Variants in TPH2 observed in about 807,000 individuals in gnomAD.
TPH2 encodes tryptophan 5-hydroxylase 2.
TPH2 carries 27 observed loss-of-function variants against 59.1 expected under a neutral mutation model. The observed-to-expected ratio is 0.46, with a 90% CI of 0.34 to 0.63. The LOEUF (loss-of-function observed/expected upper bound fraction) is 0.63. Among genes scored for constraint, TPH2 ranks in the 30% least tolerant of loss-of-function variants. The pLI is 0.01. For synonymous variants in TPH2, 220 were observed against 210.5 expected (o/e 1.05, Z -0.39); for missense variants, 523 against 588.3 (o/e 0.89, Z 1.15).
At position 71,939,029 on chromosome 12, in the gene TPH2, C is replaced by A. The variant is rs748532011; in HGVS notation, c.43C>A (p.Arg15=). ...GATGTTTTCCAGTAAATACTGGGCA[C>A]GGAGAGGGTTTTCCCTGGATTCAGC... ...MMMFSSKYWA[R]RGFSLDSAVP... is the part of the protein sequence containing the mutation. The change falls in exon 1 of 11, where the codon CGG becomes AGG. Residue 15 remains arginine, a synonymous_variant. Coordinates refer to ENST00000333850, the MANE Select transcript of TPH2 (RefSeq NM_173353.4). The A allele has an allele frequency of 6.2e-7, 1 of 1,614,000 alleles. No individual in the cohort carries two copies. Among genetic ancestry groups the A allele is most frequent in the Non-Finnish European group, 8.5e-7 (1 of 1,180,034 alleles).
chr12:72,005,192 AG>A (rs1388886131), intron 8 of TPH2, among the ~76,000 whole-genome samples: 5 of 152,080 alleles, frequency 3.3e-5, no homozygotes, highest in Non-Finnish European at 7.4e-5. Context: ...TAGGTTTGGG[AG>A]GAGTAAATCA....
chr12:71,982,316 T>A (rs1213092043), intron 7 of TPH2, among the ~76,000 whole-genome samples: 1 of 152,092 alleles, frequency 6.6e-6, no homozygotes, highest in Non-Finnish European at 1.5e-5. Flanking sequence ...TATTACTTTA[T>A]GAATAGGTAA....
intron 3 of TPH2, 24 bp downstream of exon 3, chr12:71,944,501 G>A: frequency 6.2e-7 from 1 of 1,613,836 alleles, no homozygotes. Flanking sequence ...TAGCTTGTCG[G>A]GTAACTTTGC....
At chr12:71,990,421 G>A (rs1481761912) in intron 7 of TPH2, among the ~76,000 whole-genome samples, 1 of 152,180 alleles carries the variant, frequency 6.6e-6, no homozygotes, top group African/African-American at 2.4e-5. Flanking sequence ...TTTGCAGTTT[G>A]CATTCTCCCT....
intron 8 of TPH2, among the ~76,000 whole-genome samples, chr12:71,996,125 T>G (rs1050527590): frequency 6.6e-6 from 1 of 152,234 alleles, no homozygotes; most frequent in Non-Finnish European, 1.5e-5. Flanking sequence ...GGCCTGTAAT[T>G]GTCTGAAGGT....
chr12:71,979,209 C>T, intron 7 of TPH2, 122 bp downstream of exon 7: 1 of 1,382,100 alleles, frequency 7.2e-7, no homozygotes, highest in Non-Finnish European at 1.0e-6. Context: ...GTGAGAGTCA[C>T]ATCACTCACC....
At chr12:72,020,009 A>C (rs955392032) in intron 8 of TPH2, among the ~76,000 whole-genome samples, 3 of 152,146 alleles carry the variant, frequency 2.0e-5, no homozygotes, top group Non-Finnish European at 4.4e-5. Flanking sequence ...TCATTAATTC[A>C]TTTACCGTTT....
intron 5 of TPH2, among the ~76,000 whole-genome samples, chr12:71,971,397 T>TGA (rs1871970254): frequency 6.6e-6 from 1 of 152,218 alleles, no homozygotes; most frequent in African/African-American, 2.4e-5. Flanking sequence ...GAGTATGTCA[T>TGA]GAGAGGTTTT....
chr12:71,960,814 T>G (rs1871659035), intron 5 of TPH2, among the ~76,000 whole-genome samples: 1 of 152,194 alleles, frequency 6.6e-6, no homozygotes, highest in Non-Finnish European at 1.5e-5. Flanking sequence ...ACATGAAGGA[T>G]TCGAATTACT....
chr12:71,995,672 G>A (rs1872676783), intron 8 of TPH2, among the ~76,000 whole-genome samples: 2 of 152,280 alleles, frequency 1.3e-5, no homozygotes, highest in East Asian at 1.9e-4. Context: ...TCTGGTGGGG[G>A]CTGTGGTGGA....
At chr12:71,988,521 C>T (rs1293745058) in intron 7 of TPH2, among the ~76,000 whole-genome samples, 1 of 152,094 alleles carries the variant, frequency 6.6e-6, no homozygotes, top group Non-Finnish European at 1.5e-5. Context: ...AGGGTGTGGG[C>T]CACACACTTT....
chr12:71,995,844 A>G (rs1872680367), intron 8 of TPH2, among the ~76,000 whole-genome samples: 2 of 152,210 alleles, frequency 1.3e-5, no homozygotes, highest in Admixed American at 6.5e-5. Flanking sequence ...ATGTTGGCTT[A>G]TTAAAAAAAG....
chr12:71,951,635 A>G (rs541803023), intron 5 of TPH2, among the ~76,000 whole-genome samples: 1 of 152,094 alleles, frequency 6.6e-6, no homozygotes, highest in Admixed American at 6.5e-5. Context: ...GGTGTTTGCC[A>G]TTGTGCTTGG....
intron 6 of TPH2, among the ~76,000 whole-genome samples, chr12:71,977,448 T>TACAC (rs57986383): frequency 1.6e-4 from 24 of 150,016 alleles, no homozygotes; most frequent in East Asian, 1.4e-3. Flanking sequence ...GTGCTCTTAC[T>TACAC]ACACACACAC....
intron 5 of TPH2, among the ~76,000 whole-genome samples, chr12:71,959,805 G>A (rs1433679576): frequency 6.6e-6 from 1 of 152,016 alleles, no homozygotes; most frequent in Non-Finnish European, 1.5e-5. Flanking sequence ...AATTGGGGGG[G>A]GCGTTGCAAG....
intron 8 of TPH2, among the ~76,000 whole-genome samples, chr12:72,012,921 TA>T (rs1196684468): frequency 6.6e-6 from 1 of 152,126 alleles, no homozygotes; most frequent in African/African-American, 2.4e-5. Context: ...GAAGGGGCAA[TA>T]AAACTGAAAT....
chr12:72,002,439 A>G (rs1872848960), intron 8 of TPH2, among the ~76,000 whole-genome samples: 2 of 152,162 alleles, frequency 1.3e-5, no homozygotes, highest in African/African-American at 4.8e-5. Context: ...TTGGTTTTTT[A>G]TCTGACCAGG....
chr12:72,028,703 A>G (rs1873635898), intron 9 of TPH2, among the ~76,000 whole-genome samples: 1 of 152,160 alleles, frequency 6.6e-6, no homozygotes, highest in Admixed American at 6.6e-5. Flanking sequence ...TTAACAGCCA[A>G]ACAGCAACAC....
chr12:72,023,433 A>G (rs1873477501), intron 9 of TPH2, among the ~76,000 whole-genome samples: 1 of 151,658 alleles, frequency 6.6e-6, no homozygotes, highest in African/African-American at 2.4e-5. Context: ...TTATGACTTC[A>G]TTCATTCATT....
Sources: gnomAD v4.1 joint callset for allele counts (sites outside exome capture counted in the v4.1 genomes callset) on GRCh38, gnomAD v4.1.1 for gene constraint, MANE v1.5 for transcripts, NCBI Gene and HGNC (gene_info 2026-07-23, HGNC 2026-07-21) for gene names.